CNTNAP4: variants seen among roughly 807,000 people sequenced by gnomAD.
CNTNAP4 encodes contactin associated protein family member 4, also known as contactin-associated protein-like 4.
In CNTNAP4, 98 loss-of-function variants were observed where a neutral mutation model predicts 148.4. That is an observed-to-expected ratio of 0.66 (90% confidence interval 0.56 to 0.78). The LOEUF (loss-of-function observed/expected upper bound fraction) is 0.78, where lower values mean the gene tolerates loss of function less well. CNTNAP4 is among the 30% of genes least tolerant of loss of function. The probability of loss-of-function intolerance (pLI) is 0.00; values close to 1 mark genes in which losing one functional copy is unlikely to be tolerated. For synonymous variants in CNTNAP4, 730 were observed against 565.1 expected (o/e 1.29, Z -4.14); for missense variants, 1,935 against 1,565.6 (o/e 1.24, Z -3.98).
At chr16:76,282,198 T>G (rs1958715532) in intron 1 of CNTNAP4, among the ~76,000 whole-genome samples, 1 of 152,058 alleles carries the variant, frequency 6.6e-6, no homozygotes, top group Middle Eastern at 3.4e-3. Context: ...ACAGAGGATA[T>G]CTTCAAGTTA....
chr16:76,356,251 C>G (rs139807721), intron 3 of CNTNAP4, among the ~76,000 whole-genome samples: 7 of 152,122 alleles, frequency 4.6e-5, no homozygotes, highest in African/African-American at 1.4e-4. Context: ...TTTTGAAACC[C>G]TGTTTCTTTC....
At chr16:76,330,957 G>A (rs1384696995) in intron 2 of CNTNAP4, among the ~76,000 whole-genome samples, 2 of 152,154 alleles carry the variant, frequency 1.3e-5, no homozygotes, top group African/African-American at 4.8e-5. Flanking sequence ...GTAAAAATTG[G>A]ACTTTATTTG....
chr16:76,385,825 C>G (rs74026757), intron 3 of CNTNAP4, among the ~76,000 whole-genome samples: 5,731 of 152,132 alleles, frequency 0.038, 370 homozygotes, highest in African/African-American at 0.13. Flanking sequence ...TAACTCATGA[C>G]TGAATGAAGC....
intron 12 of CNTNAP4, among the ~76,000 whole-genome samples, chr16:76,480,917 T>C (rs1453761701): frequency 1.3e-5 from 2 of 152,044 alleles, no homozygotes; most frequent in Non-Finnish European, 2.9e-5. Flanking sequence ...TATGAGTAAA[T>C]ACACAGAGGC....
chr16:76,520,538 A>AT (rs1300059794), intron 15 of CNTNAP4, among the ~76,000 whole-genome samples: 1 of 152,176 alleles, frequency 6.6e-6, no homozygotes, highest in African/African-American at 2.4e-5. Flanking sequence ...GTAAGAGATA[A>AT]TTTTGAATAA....
At chr16:76,320,791 T>G (rs1468383928) in intron 2 of CNTNAP4, among the ~76,000 whole-genome samples, 1 of 152,192 alleles carries the variant, frequency 6.6e-6, no homozygotes, top group Non-Finnish European at 1.5e-5. Flanking sequence ...TGAACGTAAG[T>G]CTTTATTTTA....
chr16:76,297,796 T>C (rs1188364110), intron 1 of CNTNAP4, among the ~76,000 whole-genome samples: 1 of 152,224 alleles, frequency 6.6e-6, no homozygotes, highest in East Asian at 1.9e-4. Flanking sequence ...CTCTTTAATT[T>C]TGTTTGGCAT....
chr16:76,411,964 C>T (rs185651557), intron 3 of CNTNAP4, among the ~76,000 whole-genome samples: 377 of 151,518 alleles, frequency 2.5e-3, no homozygotes, highest in African/African-American at 8.3e-3. Flanking sequence ...TCTTACCTCC[C>T]TCTTCCCACC....
chr16:76,471,065 T>A (rs1436816673), intron 10 of CNTNAP4, among the ~76,000 whole-genome samples: 1 of 152,054 alleles, frequency 6.6e-6, no homozygotes, highest in Non-Finnish European at 1.5e-5. Flanking sequence ...TATATTCACA[T>A]CTTCCTTACA....
rs761743707 is a variant in CNTNAP4 at position 76,489,709 on chromosome 16, CACA to C, written c.1909_1911del (p.Asn637del). On this transcript the variant is annotated inframe_deletion, in exon 13 of 24. Transcript: ENST00000611870. ...AGAAACTGCATGGACCATCATACAG[CACA>C]ACGGCTCTGACTTAACAAGAGTCAG... The C allele has an allele frequency of 1.2e-6, 2 of 1,601,054 alleles. No homozygotes were observed.
chr16:76,558,784 G>A lies in CNTNAP4; in HGVS notation c.*101G>A, dbSNP rs1323760961. 2 of 887,780 alleles carry A rather than the reference G, an allele frequency of 2.3e-6. No individual in the cohort carries two copies. The highest frequency in any genetic ancestry group is 3.4e-5 in the African/African-American group (2 of 58,532). The allele number at this position is 887,780 out of a possible 1,614,324, so 55.0% of individuals were successfully genotyped here. ...CTCTTACACTGAATGTACAGGCAGT[G>A]GGCTTGCAGCACTGCCATCTTGCCA... On this transcript the variant is annotated 3_prime_UTR_variant, in exon 24 of 24. Transcript: ENST00000611870.
intron 19 of CNTNAP4, among the ~76,000 whole-genome samples, chr16:76,539,347 G>T (rs1375991560): frequency 6.6e-6 from 1 of 151,898 alleles, no homozygotes; most frequent in Non-Finnish European, 1.5e-5. Context: ...CAGAGTGTGA[G>T]ATATATTTTT....
In CNTNAP4 at chr16:76,560,720, T is replaced by C. The variant is rs574272192; in HGVS notation, c.*2037T>C. Reference sequence around the variant, plus strand: ...CTTTAATTTCCTGATTTGTAATCTCTTATTTTATCATTAATAAAATGCATT... The same window carrying C: ...CTTTAATTTCCTGATTTGTAATCTCCTATTTTATCATTAATAAAATGCATT... On this transcript the variant is annotated 3_prime_UTR_variant, in exon 24 of 24. Transcript: ENST00000611870. 1.3e-5 allele frequency among the ~76,000 whole-genome samples: 2 copies of C among 152,330 alleles called. No individual in the cohort carries two copies. Among genetic ancestry groups the C allele is most frequent in the South Asian group, 4.1e-4 (2 of 4,822 alleles).
chr16:76,293,095 G>A (rs1052971166), intron 1 of CNTNAP4, among the ~76,000 whole-genome samples: 1 of 151,854 alleles, frequency 6.6e-6, no homozygotes, highest in Non-Finnish European at 1.5e-5. Context: ...TTATAGTTAT[G>A]CCTGAAGCTC....
intron 3 of CNTNAP4, among the ~76,000 whole-genome samples, chr16:76,371,696 C>A (rs188824936): frequency 6.6e-6 from 1 of 152,292 alleles, no homozygotes; most frequent in Admixed American, 6.5e-5. Context: ...TGGCTCTGTC[C>A]AGTCCTAACC....
intron 3 of CNTNAP4, among the ~76,000 whole-genome samples, chr16:76,403,805 A>T (rs772143238): frequency 5.9e-5 from 9 of 152,342 alleles, no homozygotes; most frequent in Non-Finnish European, 8.8e-5. Context: ...ATAAATGCCC[A>T]TAAGTGACAG....
At chr16:76,417,189 T>C (rs531550319) in intron 3 of CNTNAP4, among the ~76,000 whole-genome samples, 1 of 151,642 alleles carries the variant, frequency 6.6e-6, no homozygotes, top group Non-Finnish European at 1.5e-5. Context: ...TATATTTAGA[T>C]TGCTCACTTT....
At chr16:76,369,292 G>A (rs1483612864) in intron 3 of CNTNAP4, among the ~76,000 whole-genome samples, 1 of 151,914 alleles carries the variant, frequency 6.6e-6, no homozygotes, top group Admixed American at 6.6e-5. Context: ...AAATTTTTAA[G>A]CTACTGCATC....
intron 3 of CNTNAP4, among the ~76,000 whole-genome samples, chr16:76,401,130 G>A (rs542558426): frequency 6.6e-6 from 1 of 152,122 alleles, no homozygotes; most frequent in Non-Finnish European, 1.5e-5. Context: ...GCTTTGGGCA[G>A]TACGGCCATT....
Sources: gnomAD v4.1 joint callset for allele counts (sites outside exome capture counted in the v4.1 genomes callset) on GRCh38, gnomAD v4.1.1 for gene constraint, MANE v1.5 for transcripts, NCBI Gene and HGNC (gene_info 2026-07-23, HGNC 2026-07-21) for gene names.